The following TMEM131L variants were observed in gnomAD, a reference collection of about 807,000 sequenced individuals.
TMEM131L encodes the protein transmembrane 131 like.
Under a neutral mutation model 192.2 loss-of-function variants are expected in TMEM131L, and 54 were observed. That is an observed-to-expected ratio of 0.28 (90% confidence interval 0.23 to 0.35). The LOEUF (loss-of-function observed/expected upper bound fraction) is 0.35, where lower values mean the gene tolerates loss of function less well. Ranked by LOEUF, TMEM131L falls within the 10% of genes least tolerant of loss-of-function variation. The pLI is 1.00. For synonymous variants in TMEM131L, 701 were observed against 704.9 expected (o/e 0.99, Z 0.09); for missense variants, 1,888 against 1,972.9 (o/e 0.96, Z 0.82).
In TMEM131L at chr4:153,597,735, C is replaced by T. The variant is rs1023746360; in HGVS notation, c.2124-855C>T. Among the ~76,000 whole-genome samples, 3 of 152,230 alleles carry T rather than the reference C, an allele frequency of 2.0e-5. No homozygotes were observed. The South Asian group carries it at 6.2e-4, about 32-fold the overall frequency. On this transcript the variant is annotated intron_variant, in intron 20 of 34. Transcript: ENST00000409959. ...ATCACCTGAGCCCAGGAGTTCGAGA[C>T]CAGCCTGGGCAATGTGGTGAAACCT...
chr4:153,551,634 G>A (rs560688685), intron 4 of TMEM131L, among the ~76,000 whole-genome samples: 37 of 152,158 alleles, frequency 2.4e-4, no homozygotes, highest in African/African-American at 8.2e-4. Context: ...GGGATTACAG[G>A]CATGAGCCAC....
intron 14 of TMEM131L, 87 bp from the exon 15 acceptor site, chr4:153,587,655 C>A: frequency 1.0e-6 from 1 of 970,118 alleles, no homozygotes; most frequent in South Asian, 1.3e-5. Flanking sequence ...GAGGTGCAGA[C>A]CAATGTCTGC....
chr4:153,574,961 T>G (rs1423867989), intron 7 of TMEM131L, among the ~76,000 whole-genome samples: 1 of 152,216 alleles, frequency 6.6e-6, no homozygotes, highest in Admixed American at 6.5e-5. Flanking sequence ...GTCTGAGAAA[T>G]ACAGAATCTA....
rs140864588 is a variant in TMEM131L at position 153,582,303 on chromosome 4, G to T, written c.892+743G>T. On this transcript the variant is annotated intron_variant, in intron 9 of 34. Coordinates refer to ENST00000409959, the MANE Select transcript of TMEM131L (RefSeq NM_001131007.2). ...TGTGTAGCCCAGGTGGGAGCACAGA[G>T]ATGTGATCTCGGCTCACTGCAACCT... Among the ~76,000 whole-genome samples, 991 of 151,780 alleles carry T rather than the reference G, an allele frequency of 6.5e-3. 15 individuals are homozygous for T. The highest frequency in any genetic ancestry group is 0.05 in the East Asian group (257 of 5,142).
chr4:153,532,107 A>G (rs939042286), intron 3 of TMEM131L, among the ~76,000 whole-genome samples: 2 of 152,236 alleles, frequency 1.3e-5, no homozygotes, highest in Non-Finnish European at 2.9e-5. Flanking sequence ...TGAAGGCCAA[A>G]GCTGTTCTTC....
intron 3 of TMEM131L, among the ~76,000 whole-genome samples, chr4:153,511,001 T>A (rs936267863): frequency 6.6e-6 from 1 of 152,224 alleles, no homozygotes; most frequent in South Asian, 2.1e-4. Context: ...CAAAAAGACC[T>A]TTTTCCAAGG....
At chr4:153,466,737 C>T (rs527447582) in intron 1 of TMEM131L, among the ~76,000 whole-genome samples, 1 of 152,156 alleles carries the variant, frequency 6.6e-6, no homozygotes, top group Non-Finnish European at 1.5e-5. Flanking sequence ...GCGGGGCAGT[C>T]GCGGGGCTTG....
chr4:153,632,650 G>A, intron 31 of TMEM131L, 68 bp from the exon 32 acceptor site: 2 of 1,589,422 alleles, frequency 1.3e-6, no homozygotes, highest in Non-Finnish European at 1.7e-6. Context: ...GGGAAGGGCA[G>A]GTGCAGGAAG....
chr4:153,543,542 C>T (rs1736951968), intron 3 of TMEM131L, among the ~76,000 whole-genome samples: 2 of 152,154 alleles, frequency 1.3e-5, no homozygotes, highest in Admixed American at 6.5e-5. Flanking sequence ...TGGGGAAGGC[C>T]GCCGCCTGGA....
chr4:153,571,132 G>T (rs1729561715), intron 7 of TMEM131L, among the ~76,000 whole-genome samples: 1 of 151,766 alleles, frequency 6.6e-6, no homozygotes, highest in Admixed American at 6.6e-5. Context: ...CAAGTTCTGG[G>T]TCTACTAAAA....
At chr4:153,597,213 A>C (rs1350728161) in intron 20 of TMEM131L, among the ~76,000 whole-genome samples, 1 of 151,980 alleles carries the variant, frequency 6.6e-6, no homozygotes, top group Non-Finnish European at 1.5e-5. Flanking sequence ...AAAAATACTT[A>C]ATGCCCTGTT....
intron 16 of TMEM131L, among the ~76,000 whole-genome samples, chr4:153,589,982 A>T (rs995374500): frequency 1.3e-5 from 2 of 152,216 alleles, no homozygotes; most frequent in African/African-American, 4.8e-5. Flanking sequence ...ATATTTTCTT[A>T]TGTATAACTA....
chr4:153,531,316 TTA>T (rs2150235857), intron 3 of TMEM131L, among the ~76,000 whole-genome samples: 1 of 152,328 alleles, frequency 6.6e-6, no homozygotes, highest in African/African-American at 2.4e-5. Flanking sequence ...CTGGACTAAA[TTA>T]TTTCTTGACT....
At chr4:153,540,471 CT>C (rs1286706128) in intron 3 of TMEM131L, among the ~76,000 whole-genome samples, 2 of 152,136 alleles carry the variant, frequency 1.3e-5, no homozygotes, top group African/African-American at 4.8e-5. Flanking sequence ...ACTTAAAGTA[CT>C]GTGGACTGTG....
At chr4:153,467,359 C>T in intron 2 of TMEM131L, 78 bp downstream of exon 2, 3 of 1,285,024 alleles carry the variant, frequency 2.3e-6, no homozygotes, top group Non-Finnish European at 3.3e-6. Flanking sequence ...CCTCCCCACC[C>T]CCTGTCCAAG....
intron 7 of TMEM131L, among the ~76,000 whole-genome samples, chr4:153,578,349 A>G (rs1428808187): frequency 5.3e-5 from 8 of 151,974 alleles, no homozygotes; most frequent in Non-Finnish European, 1.5e-5. Flanking sequence ...CCTGGGCAGT[A>G]TAACAAGTAT....
chr4:153,569,845 A>G (rs756225399), intron 7 of TMEM131L, among the ~76,000 whole-genome samples: 3 of 152,242 alleles, frequency 2.0e-5, no homozygotes, highest in Non-Finnish European at 4.4e-5. Context: ...CCTTCTGAAT[A>G]TAAACCCTCT....
chr4:153,553,854 G>A (rs1737814056), intron 4 of TMEM131L, among the ~76,000 whole-genome samples: 1 of 152,276 alleles, frequency 6.6e-6, no homozygotes, highest in Non-Finnish European at 1.5e-5. Context: ...GTATCTTCCA[G>A]TTGTCACTAG....
intron 30 of TMEM131L, among the ~76,000 whole-genome samples, chr4:153,627,376 T>G (rs191659156): frequency 2.0e-5 from 3 of 152,310 alleles, no homozygotes; most frequent in Admixed American, 2.0e-4. Flanking sequence ...TAGTTAATTT[T>G]TTTTGTTGTT....
Sources: allele counts gnomAD v4.1 joint callset (sites outside exome capture counted in the v4.1 genomes callset), GRCh38; gene constraint gnomAD v4.1.1; transcripts MANE v1.5; gene names NCBI Gene and HGNC (gene_info 2026-07-23, HGNC 2026-07-21).